The following ATRX variants were observed in gnomAD, a reference collection of about 807,000 sequenced individuals.
ATRX encodes the protein chromatin remodeler ATRX.
ATRX carries 12 observed loss-of-function variants against 172.6 expected under a neutral mutation model. The ratio of observed to expected loss-of-function variants is 0.07; its 90% confidence interval spans 0.04 to 0.11. The LOEUF (loss-of-function observed/expected upper bound fraction) is 0.11, where lower values mean the gene tolerates loss of function less well. Ranked by LOEUF, ATRX falls within the 10% of genes least tolerant of loss-of-function variation. The pLI, the probability that ATRX is intolerant of heterozygous loss-of-function variation, is 1.00. For missense variants in ATRX, 1,368 were observed against 1,767.4 expected, an observed-to-expected ratio of 0.77 and a Z score of 4.05; for synonymous variants, 674 against 594.7, an observed-to-expected ratio of 1.13 and a Z score of -1.94.
intron 2 of ATRX, among the ~76,000 whole-genome samples, chrX:77,704,780 G>A (rs1656365273): frequency 8.9e-6 from 1 of 112,309 alleles, no homozygotes; most frequent in Non-Finnish European, 1.9e-5. Flanking sequence ...GATCAGAGCA[G>A]GTGCCAATAG....
At chrX:77,585,215 G>A (rs191270718) in intron 27 of ATRX, among the ~76,000 whole-genome samples, 419 of 110,529 alleles carry the variant, frequency 3.8e-3, no homozygotes, top group African/African-American at 0.013. Flanking sequence ...ACACAAATTA[G>A]TAAAACCACT....
chrX:77,785,719 C>T, intron 1 of ATRX: 1 of 630,028 alleles, frequency 1.6e-6, no homozygotes, highest in Non-Finnish European at 2.1e-6. Flanking sequence ...GACCAAGCGT[C>T]ACCGTTTAGG....
chrX:77,753,253 G>A (rs147992751), intron 1 of ATRX, among the ~76,000 whole-genome samples: 1,730 of 111,334 alleles, frequency 0.016, 11 homozygotes, highest in Admixed American at 0.025. Flanking sequence ...GTTTATTTGC[G>A]TAGAGGTGTT....
intron 30 of ATRX, among the ~76,000 whole-genome samples, chrX:77,554,935 C>CT (rs782756456): frequency 1.8e-5 from 2 of 111,958 alleles, no homozygotes; most frequent in Non-Finnish European, 3.8e-5. Flanking sequence ...GTTTTAAAAA[C>CT]TTTTTTTTAA....
chrX:77,662,984 C>T (rs1557123703), intron 12 of ATRX, among the ~76,000 whole-genome samples: 3 of 112,053 alleles, frequency 2.7e-5, no homozygotes, highest in South Asian at 7.4e-4. Flanking sequence ...TATGAGCCAC[C>T]GTGCCTGGCC....
intron 30 of ATRX, among the ~76,000 whole-genome samples, chrX:77,553,227 T>C (rs1355479578): frequency 1.8e-5 from 2 of 111,644 alleles, no homozygotes; most frequent in Admixed American, 9.6e-5. Context: ...ATTCTAATTA[T>C]AAATCAAGGG....
intron 9 of ATRX, among the ~76,000 whole-genome samples, chrX:77,680,013 A>G: frequency 8.9e-6 from 1 of 111,928 alleles, no homozygotes; most frequent in South Asian, 3.7e-4. Context: ...AAGTTTCTGT[A>G]AGAGGGTACC....
At chrX:77,617,328 C>T (rs895138578) in intron 21 of ATRX, among the ~76,000 whole-genome samples, 1 of 111,413 alleles carries the variant, frequency 9.0e-6, no homozygotes, top group Non-Finnish European at 1.9e-5. Flanking sequence ...AAGAAAAATG[C>T]TGCCTGGGTA....
intron 30 of ATRX, among the ~76,000 whole-genome samples, chrX:77,551,296 C>A (rs1277862663): frequency 1.8e-5 from 2 of 111,304 alleles, no homozygotes; most frequent in African/African-American, 6.5e-5. Flanking sequence ...GAATAGAGCC[C>A]TCGGAAACAA....
At chrX:77,663,645 C>G (rs1603142134) in intron 11 of ATRX, 87 bp from the exon 12 acceptor site, 4 of 814,357 alleles carry the variant, frequency 4.9e-6, no homozygotes, top group Non-Finnish European at 5.3e-6. Flanking sequence ...ACTACTGCAA[C>G]TTATGAAAAA....
intron 1 of ATRX, among the ~76,000 whole-genome samples, chrX:77,771,089 C>T (rs2148943737): frequency 9.0e-6 from 1 of 111,596 alleles, no homozygotes; most frequent in African/African-American, 3.3e-5. Context: ...CATAAAAAGC[C>T]TTTCTCGGCC....
chrX:77,569,441 T>C (rs1237177881), intron 28 of ATRX, among the ~76,000 whole-genome samples: 2 of 111,028 alleles, frequency 1.8e-5, no homozygotes, highest in Non-Finnish European at 3.8e-5. Context: ...ACAAACAGCA[T>C]ACAGATCATA....
intron 30 of ATRX, among the ~76,000 whole-genome samples, chrX:77,555,714 G>A (rs1481014124): frequency 9.1e-6 from 1 of 110,392 alleles, no homozygotes; most frequent in African/African-American, 3.3e-5. Flanking sequence ...AGGGGGTGGG[G>A]GGAAAGGGGA....
At chrX:77,709,342 T>G (rs1232757868) in intron 2 of ATRX, among the ~76,000 whole-genome samples, 1 of 111,942 alleles carries the variant, frequency 8.9e-6, no homozygotes, top group Non-Finnish European at 1.9e-5. Context: ...CACCCAGTGT[T>G]GGCAAGGATG....
At chrX:77,725,985 G>A (rs1275986430) in intron 1 of ATRX, among the ~76,000 whole-genome samples, 6 of 111,891 alleles carry the variant, frequency 5.4e-5, no homozygotes, top group Admixed American at 2.8e-4. Flanking sequence ...ACATGCTGGA[G>A]AGGATGTGGA....
At chrX:77,642,949 CA>C (rs2068727008) in intron 15 of ATRX, among the ~76,000 whole-genome samples, 1 of 111,136 alleles carries the variant, frequency 9.0e-6, no homozygotes, top group African/African-American at 3.3e-5. Flanking sequence ...GGCAACATAG[CA>C]AGACCCTGTC....
At chrX:77,653,006 AAAAAAAAAAAAAAAAG>A (rs1380027424) in intron 14 of ATRX, among the ~76,000 whole-genome samples, 30 of 102,139 alleles carry the variant, frequency 2.9e-4, no homozygotes, top group East Asian at 8.9e-4. Flanking sequence ...TTTCTTGTTA[AAAAAAAAAAAAAAAAG>A]AAAAAAAGAA....
chrX:77,756,693 G>A (rs1330035052), intron 1 of ATRX, among the ~76,000 whole-genome samples: 2 of 110,526 alleles, frequency 1.8e-5, no homozygotes, highest in Non-Finnish European at 3.8e-5. Context: ...CCAATGAGAT[G>A]AACTGGGTAC....
At chrX:77,587,546 G>C (rs1278979256) in intron 27 of ATRX, among the ~76,000 whole-genome samples, 1 of 111,887 alleles carries the variant, frequency 8.9e-6, no homozygotes, top group Non-Finnish European at 1.9e-5. Context: ...ACTATGATTA[G>C]AGACAAGACA....
Sources: gnomAD v4.1 joint callset for allele counts (sites outside exome capture counted in the v4.1 genomes callset) on GRCh38, gnomAD v4.1.1 for gene constraint, MANE v1.5 for transcripts, NCBI Gene and HGNC (gene_info 2026-07-23, HGNC 2026-07-21) for gene names.